Variants in ARAP2 observed in about 807,000 individuals in gnomAD.
ARAP2 encodes ArfGAP with RhoGAP domain, ankyrin repeat and PH domain 2.
Under a neutral mutation model 194.5 loss-of-function variants are expected in ARAP2, and 148 were observed. That is an observed-to-expected ratio of 0.76 (90% CI 0.67 to 0.87). The LOEUF (loss-of-function observed/expected upper bound fraction) is 0.87. ARAP2 is among the 40% of genes least tolerant of loss of function. The pLI, the probability that ARAP2 is intolerant of heterozygous loss-of-function variation, is 0.00. For missense variants in ARAP2, 2,128 were observed against 1,989.7 expected (o/e 1.07, Z -1.32); for synonymous variants, 695 against 683.5 (o/e 1.02, Z -0.26).
chr4:36,005,586 A>C (rs2109296314), intron 10 of ARAP2: 1 of 152,288 alleles, frequency 6.6e-6, no homozygotes, highest in Non-Finnish European at 1.5e-5. Context: ...TAAAACATGA[A>C]AATCCACCCA....
intron 6 of ARAP2, among the ~76,000 whole-genome samples, chr4:36,018,612 A>T (rs1033686869): frequency 4.6e-5 from 7 of 152,210 alleles, no homozygotes; most frequent in African/African-American, 1.4e-4. Context: ...GTGAACACTT[A>T]TATTCATGCA....
chr4:36,168,270 C>G (rs1008775314), intron 9 of ARAP2, among the ~76,000 whole-genome samples: 20 of 152,182 alleles, frequency 1.3e-4, no homozygotes, highest in Non-Finnish European at 2.6e-4. Flanking sequence ...CCTTACTTTT[C>G]CATCTTCTGG....
chr4:36,195,060 G>A (rs1742783330), intron 6 of ARAP2, among the ~76,000 whole-genome samples: 1 of 151,832 alleles, frequency 6.6e-6, no homozygotes, highest in African/African-American at 2.4e-5. Flanking sequence ...AAGCTATTTG[G>A]AAGGCTCAGG....
intron 27 of ARAP2, among the ~76,000 whole-genome samples, chr4:36,102,679 T>C (rs1717297881): frequency 6.6e-6 from 1 of 152,012 alleles, no homozygotes; most frequent in South Asian, 2.1e-4. Flanking sequence ...GAGTAGTCTA[T>C]TACTTCATGC....
At chr4:36,208,873 C>T (rs557700217) in intron 6 of ARAP2, among the ~76,000 whole-genome samples, 26 of 146,108 alleles carry the variant, frequency 1.8e-4, no homozygotes, top group African/African-American at 7.0e-4. Flanking sequence ...GCAATTATTT[C>T]CCCTAAAATG....
At chr4:36,215,225 T>G (rs1223744683) in intron 2 of ARAP2, among the ~76,000 whole-genome samples, 12 of 152,218 alleles carry the variant, frequency 7.9e-5, no homozygotes. Context: ...ATTGTGCCAT[T>G]GCTGAAAGTA....
intron 15 of ARAP2, 76 bp downstream of exon 15, chr4:36,158,654 A>C (rs1344361283): frequency 7.6e-6 from 10 of 1,312,536 alleles, no homozygotes; most frequent in Non-Finnish European, 1.0e-5. Context: ...CAAAAAAATC[A>C]AAATCTAAAC....
At chr4:36,073,020 C>T (rs1200345359) in intron 32 of ARAP2, among the ~76,000 whole-genome samples, 1 of 152,120 alleles carries the variant, frequency 6.6e-6, no homozygotes, top group Non-Finnish European at 1.5e-5. Context: ...AACTGCTTTT[C>T]TTTTTGCTTT....
intron 13 of ARAP2, 25 bp from the exon 14 acceptor site, chr4:36,159,530 T>C (rs1476197663): frequency 1.4e-6 from 2 of 1,466,524 alleles, no homozygotes; most frequent in Admixed American, 4.5e-5. Flanking sequence ...AAAATATACA[T>C]CTTAAGGAAA....
intron 6 of ARAP2, among the ~76,000 whole-genome samples, chr4:36,194,518 C>T (rs1274338312): frequency 6.6e-6 from 1 of 152,142 alleles, no homozygotes; most frequent in Non-Finnish European, 1.5e-5. Context: ...TGTGCTTTTG[C>T]AATTTTCTGA....
intron 2 of ARAP2, among the ~76,000 whole-genome samples, chr4:36,221,312 G>C (rs1462838511): frequency 6.6e-6 from 1 of 152,004 alleles, no homozygotes; most frequent in Non-Finnish European, 1.5e-5. Context: ...AAGGACTCAT[G>C]CATGTGTATA....
intron 30 of ARAP2, among the ~76,000 whole-genome samples, chr4:36,081,498 T>C (rs1201471314): frequency 6.6e-6 from 1 of 152,144 alleles, no homozygotes; most frequent in Non-Finnish European, 1.5e-5. Context: ...GAGATGAAGT[T>C]GGTGGAGTCA....
chr4:36,166,863 C>T (rs1244644464), intron 10 of ARAP2, 69 bp downstream of exon 10: 2 of 836,886 alleles, frequency 2.4e-6, no homozygotes, highest in African/African-American at 3.5e-5. Context: ...TCACCACGAA[C>T]AACATAAAGG....
intron 9 of ARAP2, among the ~76,000 whole-genome samples, chr4:36,171,901 T>C (rs1423052576): frequency 6.6e-6 from 1 of 152,164 alleles, no homozygotes; most frequent in Non-Finnish European, 1.5e-5. Context: ...TCAATTAAAT[T>C]AAAAATAAAT....
chr4:36,208,139 G>A (rs867497397), intron 6 of ARAP2, among the ~76,000 whole-genome samples: 2 of 152,164 alleles, frequency 1.3e-5, no homozygotes, highest in Non-Finnish European at 2.9e-5. Flanking sequence ...TGGGGTGGCA[G>A]GGGAGAGCAA....
At chr4:36,242,674 T>C (rs1422305796) in intron 1 of ARAP2, among the ~76,000 whole-genome samples, 1 of 152,190 alleles carries the variant, frequency 6.6e-6, no homozygotes, top group Non-Finnish European at 1.5e-5. Flanking sequence ...GCAAGGAGCT[T>C]GCAGTGATAT....
At chr4:36,232,697 A>AC (rs1415437816) in intron 1 of ARAP2, among the ~76,000 whole-genome samples, 1 of 152,174 alleles carries the variant, frequency 6.6e-6, no homozygotes, top group Non-Finnish European at 1.5e-5. Context: ...GGCAGGTATT[A>AC]CCTCCTCTGT....
At chr4:36,062,480 G>C (rs983617323), downstream of ARAP2, among the ~76,000 whole-genome samples, 12 of 152,164 alleles carry the variant, frequency 7.9e-5, no homozygotes, top group African/African-American at 2.9e-4. Context: ...GTCTTGATCT[G>C]CCTGCTAGAA....
At chr4:36,144,185 T>G (rs1729035791) in intron 19 of ARAP2, among the ~76,000 whole-genome samples, 1 of 151,450 alleles carries the variant, frequency 6.6e-6, no homozygotes, top group East Asian at 2.0e-4. Flanking sequence ...CAAAAATACG[T>G]TGGTTATAAT....
Sources: allele counts gnomAD v4.1 joint callset (sites outside exome capture counted in the v4.1 genomes callset), GRCh38; gene constraint gnomAD v4.1.1; transcripts MANE v1.5; gene names NCBI Gene and HGNC (gene_info 2026-07-23, HGNC 2026-07-21).